Variants in ESRP1 observed in about 807,000 individuals in gnomAD.
ESRP1 encodes the protein epithelial splicing regulatory protein 1.
Under a neutral mutation model 81.7 loss-of-function variants are expected in ESRP1, and 33 were observed. The ratio of observed to expected loss-of-function variants is 0.40; its 90% CI spans 0.31 to 0.54. The LOEUF (loss-of-function observed/expected upper bound fraction) is 0.54, where lower values mean the gene tolerates loss of function less well. Ranked by LOEUF, ESRP1 falls within the 20% of genes least tolerant of loss-of-function variation. The pLI, the probability that ESRP1 is intolerant of heterozygous loss-of-function variation, is 0.41. For missense variants in ESRP1, 672 were observed against 833.1 expected (o/e 0.81, Z 2.38); for synonymous variants, 320 against 303.3 (o/e 1.06, Z -0.57).
intron 3 of ESRP1, among the ~76,000 whole-genome samples, chr8:94,645,646 T>C (rs1452635026): frequency 6.6e-6 from 1 of 150,900 alleles, no homozygotes; most frequent in Non-Finnish European, 1.5e-5. Flanking sequence ...GGGACTATTA[T>C]TTGGCACAGA....
Position 94,706,053 on chromosome 8 carries a change from C to A in ESRP1, c.*164C>A. On this transcript the variant is annotated 3_prime_UTR_variant, in exon 16 of 16. Transcript: ENST00000433389. ...ACTTGATTGGACAAACGGGCCTGTGCCTTATCTTTTGGTGGAGTGAAAAAA... is the reference window on the plus strand; with the variant it reads ...ACTTGATTGGACAAACGGGCCTGTGACTTATCTTTTGGTGGAGTGAAAAAA... 8.6e-7 allele frequency: 1 copy of A among 1,166,244 alleles called. No individual in the cohort carries two copies. The highest frequency in any genetic ancestry group is 1.6e-5 in the African/African-American group (1 of 63,490). 72.2% of individuals were successfully genotyped at this position (1,166,244 alleles called of 1,614,324 possible).
rs193209494 is a variant in ESRP1 at position 94,671,141 on chromosome 8, T to A, written c.1234-312T>A. ...ATATCCCTCACAGATAGTGATACAT[T>A]GTTACAGGTAGACACTAACTGTTTA... On this transcript the variant is annotated intron_variant, in intron 10 of 15. Coordinates refer to ENST00000433389, the MANE Select transcript of ESRP1 (RefSeq NM_017697.4). Among the ~76,000 whole-genome samples, 46 of 152,362 alleles carry A rather than the reference T, an allele frequency of 3.0e-4. 1 individual carries two copies. The highest frequency in any genetic ancestry group is 2.7e-3 in the Admixed American group (42 of 15,312).
chr8:94,662,581 G>C, intron 6 of ESRP1, 26 bp downstream of exon 6: 1 of 1,535,290 alleles, frequency 6.5e-7, no homozygotes, highest in Non-Finnish European at 8.8e-7. Context: ...CTATTTATTT[G>C]AGCTTTTTAA....
chr8:94,656,075 GC>G (rs1818397740), intron 4 of ESRP1: 3 of 151,676 alleles, frequency 2.0e-5, no homozygotes, highest in African/African-American at 7.3e-5. Flanking sequence ...GTGGAGGGTT[GC>G]CTAAGGTGGG....
intron 1 of ESRP1, 59 bp from the exon 2 acceptor site, chr8:94,641,897 G>A (rs1248850558): frequency 1.3e-6 from 2 of 1,598,444 alleles, no homozygotes; most frequent in Non-Finnish European, 8.5e-7. Context: ...GAGGGAGGAG[G>A]GTGCAGAAAG....
chr8:94,701,400 C>T (rs1809834215), intron 15 of ESRP1, among the ~76,000 whole-genome samples: 1 of 152,108 alleles, frequency 6.6e-6, no homozygotes, highest in Non-Finnish European at 1.5e-5. Context: ...TTGCCTTGTC[C>T]CATCAACCCA....
intron 4 of ESRP1, among the ~76,000 whole-genome samples, chr8:94,659,949 G>C (rs542073427): frequency 6.6e-6 from 1 of 152,320 alleles, no homozygotes; most frequent in East Asian, 1.9e-4. Flanking sequence ...TGAAGGCTGA[G>C]AGAAGTGAGG....
rs895965336 is a variant in ESRP1, at chr8:94,641,280, G to T, written c.-39G>T. 1 of 1,585,422 alleles carries T rather than the reference G, an allele frequency of 6.3e-7. No individual in the cohort carries two copies. The highest frequency in any genetic ancestry group is 8.6e-7 in the Non-Finnish European group (1 of 1,160,526). ...GTTCTCACTTCCACACCACCTTACC[G>T]CCTCCCGACCCCCCCTCTCCCCCTC... On this transcript the variant is annotated 5_prime_UTR_variant, in exon 1 of 16. Transcript: ENST00000433389.
chr8:94,646,246 G>C lies in ESRP1; in HGVS notation c.454G>C (p.Asp152His), dbSNP rs1817845312. Residue 152 changes from aspartate to histidine, a missense_variant, in exon 4 of 16, where the codon GAT (aspartate) becomes CAT (histidine). By Grantham distance (81) the Asp-to-His change is moderately conservative. Transcript: ENST00000433389. ...EFKKCCPGSP[D>H]IDKLDVATMT... ...CAAGAAATGTTGCCCTGGTTCACCTGATATTGACAAACTGGACGTTGCCAC... is the reference window on the plus strand; with the variant it reads ...CAAGAAATGTTGCCCTGGTTCACCTCATATTGACAAACTGGACGTTGCCAC... The C allele has an allele frequency of 6.2e-7, 1 of 1,612,332 alleles. No homozygotes were observed. Among genetic ancestry groups the C allele is most frequent in the Admixed American group, 1.7e-5 (1 of 59,828 alleles).
intron 13 of ESRP1, among the ~76,000 whole-genome samples, chr8:94,685,803 A>G (rs1456188747): frequency 2.0e-5 from 3 of 152,100 alleles, no homozygotes; most frequent in Non-Finnish European, 4.4e-5. Context: ...AAAAACCAAC[A>G]AAAACAAAAC....
chr8:94,649,347 C>T (rs962630814), intron 4 of ESRP1, among the ~76,000 whole-genome samples: 30 of 152,220 alleles, frequency 2.0e-4, no homozygotes, highest in Non-Finnish European at 3.7e-4. Context: ...ATATCCTGGC[C>T]TCATTTATTT....
chr8:94,652,368 T>C lies in ESRP1; in HGVS notation c.490+6086T>C, dbSNP rs144325498. On this transcript the variant is annotated intron_variant, in intron 4 of 15. Coordinates refer to ENST00000433389, the MANE Select transcript of ESRP1 (RefSeq NM_017697.4). ...TGTCTGCTTTTGAATTATGTGATGC[T>C]AGCTGAGAAGACCTCATCTAGCAGG... 4.7e-3 allele frequency among the ~76,000 whole-genome samples: 723 copies of C among 152,296 alleles called. 4 individuals carry two copies. The highest frequency in any genetic ancestry group is 7.7e-3 in the Non-Finnish European group (525 of 68,022).
In ESRP1 at chr8:94,674,358, A is replaced by G. The variant is rs763214380; in HGVS notation, c.1503A>G (p.Ala501=). The G allele has an allele frequency of 2.5e-6, 4 of 1,614,030 alleles. No homozygotes were observed. Among genetic ancestry groups the G allele is most frequent in the Non-Finnish European group, 3.4e-6 (4 of 1,179,892 alleles). ...AFIQMKSADR[A]FMAAQKCHKK... is the part of the protein sequence containing the mutation. ...TCCAGATGAAGTCTGCGGACAGAGC[A>G]TTTATGGCTGCACAGAAGTGTCATA... The change falls in exon 12 of 16, where the codon GCA becomes GCG. Residue 501 remains alanine (A), a synonymous_variant. Coordinates refer to ENST00000433389, the MANE Select transcript of ESRP1 (RefSeq NM_017697.4).
intron 4 of ESRP1, chr8:94,656,261 C>T (rs1818413029): frequency 1.3e-5 from 2 of 152,000 alleles, no homozygotes; most frequent in African/African-American, 4.8e-5. Flanking sequence ...GTCTGTCGCC[C>T]AGGCTGGAGT....
intron 12 of ESRP1, 55 bp downstream of exon 12, chr8:94,674,561 A>G: frequency 2.0e-6 from 3 of 1,512,134 alleles, no homozygotes; most frequent in Middle Eastern, 3.5e-4. Flanking sequence ...GTAGGTGCTT[A>G]AGCTGCTTTC....
chr8:94,666,404 CT>C (rs1218502308), intron 9 of ESRP1, among the ~76,000 whole-genome samples: 1 of 152,184 alleles, frequency 6.6e-6, no homozygotes, highest in Non-Finnish European at 1.5e-5. Context: ...TCATTTCCAA[CT>C]TTTGACTTTA....
At chr8:94,703,711 T>C (rs1433946951) in intron 15 of ESRP1, among the ~76,000 whole-genome samples, 1 of 152,198 alleles carries the variant, frequency 6.6e-6, no homozygotes, top group African/African-American at 2.4e-5. Context: ...AAACTCACTC[T>C]CTGAGATACC....
rs180992338 is a variant in ESRP1 at position 94,662,733 on chromosome 8, G to A, written c.644+178G>A. Among the ~76,000 whole-genome samples, 1,052 of 151,744 alleles carry A rather than the reference G, an allele frequency of 6.9e-3. 9 individuals are homozygous for A. The highest frequency in any genetic ancestry group is 0.024 in the African/African-American group (980 of 41,328). Reference sequence around the variant, plus strand: ...TGCCATTCTCCTGCCTCAGCCTCCCGAGTAGCTGGGACTACAGGCTCCCGC... The same window carrying A: ...TGCCATTCTCCTGCCTCAGCCTCCCAAGTAGCTGGGACTACAGGCTCCCGC... On this transcript the variant is annotated intron_variant, in intron 6 of 15. Transcript: ENST00000433389.
chr8:94,682,719 T>A (rs570150733), intron 13 of ESRP1, among the ~76,000 whole-genome samples: 14 of 149,942 alleles, frequency 9.3e-5, no homozygotes, highest in Non-Finnish European at 1.6e-4. Flanking sequence ...TTACTTTTTT[T>A]AATGAGTGAT....
Sources: gnomAD v4.1 joint callset for allele counts (sites outside exome capture counted in the v4.1 genomes callset) on GRCh38, gnomAD v4.1.1 for gene constraint, MANE v1.5 for transcripts, NCBI Gene and HGNC (gene_info 2026-07-23, HGNC 2026-07-21) for gene names.